PSD3: variants seen among roughly 807,000 people sequenced by gnomAD.
PSD3 encodes PH and SEC7 domain-containing protein 3.
In PSD3, 49 loss-of-function variants were observed where a neutral mutation model predicts 105.5. The ratio of observed to expected loss-of-function variants is 0.46; its 90% CI spans 0.37 to 0.59. The LOEUF is 0.59. Ranked by LOEUF, PSD3 falls within the 20% of genes least tolerant of loss-of-function variation. The pLI, the probability that PSD3 is intolerant of heterozygous loss-of-function variation, is 0.00. For synonymous variants in PSD3, 557 were observed against 457.8 expected (o/e 1.22, Z -2.77); for missense variants, 1,561 against 1,263.8 (o/e 1.24, Z -3.57).
chr8:18,693,762 C>G (rs1036682804), intron 9 of PSD3, among the ~76,000 whole-genome samples: 3 of 152,206 alleles, frequency 2.0e-5, no homozygotes, highest in Admixed American at 6.5e-5. Context: ...GTCTATTTTT[C>G]TAATATGATC....
chr8:18,769,988 A>G (rs1807359282), intron 8 of PSD3, among the ~76,000 whole-genome samples: 1 of 152,130 alleles, frequency 6.6e-6, no homozygotes. Context: ...CCTCCTGGGC[A>G]TATATTTAGG....
chr8:18,695,575 A>T (rs1041347406), intron 9 of PSD3, among the ~76,000 whole-genome samples: 1 of 152,222 alleles, frequency 6.6e-6, no homozygotes, highest in Admixed American at 6.5e-5. Flanking sequence ...TTTACACAAG[A>T]TATTAGAAAT....
chr8:18,636,458 T>C (rs749060468), intron 10 of PSD3, among the ~76,000 whole-genome samples: 5 of 152,202 alleles, frequency 3.3e-5, no homozygotes, highest in Non-Finnish European at 5.9e-5. Context: ...CTGATGTTAA[T>C]TTATAATTGA....
intron 2 of PSD3, among the ~76,000 whole-genome samples, chr8:18,928,686 TTTTTTC>T (rs1821538248): frequency 6.6e-6 from 1 of 152,068 alleles, no homozygotes. Flanking sequence ...CTTCCTTCCT[TTTTTTC>T]TTTTTATCTT....
chr8:18,844,470 A>G (rs758582441), intron 4 of PSD3, among the ~76,000 whole-genome samples: 5 of 152,168 alleles, frequency 3.3e-5, no homozygotes, highest in Non-Finnish European at 5.9e-5. Flanking sequence ...CTTAAAGTAG[A>G]CTTTATCTTG....
rs115271492 is a variant in PSD3, at chr8:19,030,023, G to A, written c.324+54183C>T. ...AATTTTAATGCAATATGGAATAGTA[G>A]TGATAAGAACAGACATCCTTGCTTA... On this transcript the variant is annotated intron_variant, in intron 1 of 1. Transcript: ENST00000521475. Among the ~76,000 whole-genome samples, 1,323 of 152,272 alleles carry A rather than the reference G, an allele frequency of 8.7e-3. 13 individuals carry two copies. Among genetic ancestry groups the A allele is most frequent in the African/African-American group, 0.028 (1,172 of 41,554 alleles).
intron 15 of PSD3, among the ~76,000 whole-genome samples, chr8:18,541,622 G>C (rs918338577): frequency 6.6e-6 from 1 of 152,180 alleles, no homozygotes; most frequent in African/African-American, 2.4e-5. Context: ...ACACGTGTCA[G>C]ATCCTCAACA....
At chr8:18,625,909 T>C (rs1035412382) in intron 11 of PSD3, among the ~76,000 whole-genome samples, 3 of 139,330 alleles carry the variant, frequency 2.2e-5, no homozygotes, top group Admixed American at 1.4e-4. Flanking sequence ...AGATCATTTA[T>C]ATTTTGGGTA....
At chr8:18,580,422 A>G (rs1802737767) in intron 12 of PSD3, among the ~76,000 whole-genome samples, 1 of 152,142 alleles carries the variant, frequency 6.6e-6, no homozygotes, top group Non-Finnish European at 1.5e-5. Flanking sequence ...GTTTTGTAAA[A>G]ACCAAAAAGT....
rs1286081736 is a variant in PSD3, at chr8:18,608,985, C to T, written c.2411-8551G>A. ...CACTCATCTCTCTGGGTGCCCTGAT[C>T]ATCTTTTTTTTCCTTTTCCTCATGT... On this transcript the variant is annotated intron_variant, in intron 11 of 15. Transcript: ENST00000327040. 2.6e-5 allele frequency among the ~76,000 whole-genome samples: 4 copies of T among 152,248 alleles called. No homozygotes were observed. The East Asian group carries it at 7.7e-4, about 29-fold the overall frequency.
chr8:18,640,356 G>C (rs1807556274), intron 10 of PSD3, among the ~76,000 whole-genome samples: 1 of 152,158 alleles, frequency 6.6e-6, no homozygotes, highest in African/African-American at 2.4e-5. Flanking sequence ...AAGTGATACG[G>C]TTTGGCTGTG....
intron 9 of PSD3, among the ~76,000 whole-genome samples, chr8:18,756,198 G>A (rs998733387): frequency 5.9e-5 from 9 of 151,770 alleles, no homozygotes; most frequent in African/African-American, 2.2e-4. Context: ...CCTACTCTAG[G>A]CAACAGTTGA....
chr8:19,074,592 C>CATAT (rs1240382273), intron 1 of PSD3, among the ~76,000 whole-genome samples: 1,813 of 65,676 alleles, frequency 0.028, 41 homozygotes, highest in East Asian at 0.067. Flanking sequence ...CAGATATATA[C>CATAT]ATATATATAT....
At chr8:18,967,729 T>G (rs558022246) in intron 1 of PSD3, among the ~76,000 whole-genome samples, 25 of 152,116 alleles carry the variant, frequency 1.6e-4, no homozygotes, top group Non-Finnish European at 3.5e-4. Flanking sequence ...TTATATTTAC[T>G]AAAAATATCT....
intron 1 of PSD3, among the ~76,000 whole-genome samples, chr8:19,063,398 G>C (rs1051176241): frequency 2.6e-5 from 4 of 152,182 alleles, no homozygotes; most frequent in Non-Finnish European, 5.9e-5. Context: ...TAATGCCACA[G>C]TTCTTTGGAT....
intron 1 of PSD3, among the ~76,000 whole-genome samples, chr8:18,984,192 A>AATAATAATAAT (rs1554559915): frequency 6.8e-6 from 1 of 146,418 alleles, no homozygotes; most frequent in Non-Finnish European, 1.5e-5. Context: ...CCTTCAATTA[A>AATAATAATAAT]AATAATAATA....
intron 4 of PSD3, among the ~76,000 whole-genome samples, chr8:18,836,393 G>A (rs1388218770): frequency 6.6e-6 from 1 of 152,064 alleles, no homozygotes; most frequent in Non-Finnish European, 1.5e-5. Context: ...ATACCAAAAG[G>A]ACATTAACTT....
chr8:18,560,710 G>C (rs1189793155), intron 14 of PSD3, among the ~76,000 whole-genome samples: 1 of 152,034 alleles, frequency 6.6e-6, no homozygotes, highest in Non-Finnish European at 1.5e-5. Flanking sequence ...CTTATATTAG[G>C]GGTTAATCCC....
chr8:18,529,386 G>T lies in PSD3; in HGVS notation c.*6357C>A, dbSNP rs753219347. 1 of 152,144 alleles carries T rather than the reference G, an allele frequency of 6.6e-6. No individual in the cohort carries two copies. The highest frequency in any genetic ancestry group is 2.1e-4 in the South Asian group (1 of 4,824). 9.4% of individuals were successfully genotyped at this position (152,144 alleles called of 1,614,324 possible). The stretch of plus-strand genomic sequence containing the variant: ...GGCTCTTTGCATCTTAAGGTCTTAT[G>T]TTTGTATAACTTAAAACATTCACTG... On this transcript the variant is annotated 3_prime_UTR_variant, in exon 16 of 16. Coordinates refer to ENST00000327040, the MANE Select transcript of PSD3 (RefSeq NM_015310.4).
Sources: gnomAD v4.1 joint callset for allele counts (sites outside exome capture counted in the v4.1 genomes callset) on GRCh38, gnomAD v4.1.1 for gene constraint, MANE v1.5 for transcripts, NCBI Gene and HGNC (gene_info 2026-07-23, HGNC 2026-07-21) for gene names.